ZMYM4: variants seen among roughly 807,000 people sequenced by gnomAD.
The protein encoded by ZMYM4 is zinc finger MYM-type protein 4.
Under a neutral mutation model 183.2 loss-of-function variants are expected in ZMYM4, and 31 were observed. The ratio of observed to expected loss-of-function variants is 0.17; its 90% CI spans 0.13 to 0.23. The LOEUF is 0.23. ZMYM4 is among the 10% of genes least tolerant of loss of function. The probability of loss-of-function intolerance (pLI) is 1.00; values close to 1 mark genes in which losing one functional copy is unlikely to be tolerated. For synonymous variants in ZMYM4, 592 were observed against 631.2 expected (o/e 0.94, Z 0.93); for missense variants, 1,273 against 1,840.3 (o/e 0.69, Z 5.64).
intron 7 of ZMYM4, among the ~76,000 whole-genome samples, chr1:35,373,253 T>TAC (rs1040510302): frequency 1.5e-4 from 23 of 150,168 alleles, no homozygotes; most frequent in African/African-American, 4.4e-4. Context: ...TATATATATA[T>TAC]ACACACACAC....
chr1:35,388,321 C>T (rs2148983550), intron 13 of ZMYM4, among the ~76,000 whole-genome samples: 1 of 152,314 alleles, frequency 6.6e-6, no homozygotes, highest in Non-Finnish European at 1.5e-5. Context: ...TCTCCTGCCT[C>T]AACCTCCCGA....
chr1:35,403,057 C>T (rs72659614), intron 23 of ZMYM4, among the ~76,000 whole-genome samples: 2 of 152,242 alleles, frequency 1.3e-5, no homozygotes, highest in Non-Finnish European at 2.9e-5. Flanking sequence ...TTTTAATTTG[C>T]TGAAAGTTTT....
chr1:35,286,742 A>G (rs1156306732), intron 1 of ZMYM4, among the ~76,000 whole-genome samples: 1 of 141,832 alleles, frequency 7.1e-6, no homozygotes, highest in African/African-American at 2.6e-5. Flanking sequence ...AGGACCACAG[A>G]CAATACCCTT....
intron 5 of ZMYM4, 40 bp from the exon 6 acceptor site, chr1:35,369,989 C>T: frequency 1.4e-6 from 2 of 1,457,698 alleles, no homozygotes; most frequent in East Asian, 2.4e-5. Context: ...GGTATTTATT[C>T]TTTTCTCTAT....
intron 18 of ZMYM4, among the ~76,000 whole-genome samples, chr1:35,394,937 G>T (rs774194592): frequency 7.9e-5 from 12 of 152,002 alleles, no homozygotes; most frequent in Admixed American, 1.3e-4. Context: ...AACATAGCGA[G>T]ACCATCTCTA....
intron 1 of ZMYM4, among the ~76,000 whole-genome samples, chr1:35,320,769 A>C (rs1455943079): frequency 6.6e-6 from 1 of 152,240 alleles, no homozygotes; most frequent in East Asian, 1.9e-4. Context: ...GTGATGAAAA[A>C]GTCCCACATA....
rs143527677 is a variant in ZMYM4, at chr1:35,309,338, C to T, written c.40-16022C>T. 3.1e-4 allele frequency among the ~76,000 whole-genome samples: 47 copies of T among 152,230 alleles called. No individual in the cohort carries two copies. The East Asian group carries it at 7.9e-3, about 26-fold the overall frequency. On this transcript the variant is annotated intron_variant, in intron 1 of 29. Transcript: ENST00000314607. Reference sequence around the variant, plus strand: ...AATTTTAAGAATAGCTTTATGATTGCATTATGTATTCAACAAACACATATT... The same window carrying T: ...AATTTTAAGAATAGCTTTATGATTGTATTATGTATTCAACAAACACATATT...
chr1:35,413,924 A>C, intron 26 of ZMYM4, 48 bp from the exon 27 acceptor site: 1 of 1,114,752 alleles, frequency 9.0e-7, no homozygotes, highest in Non-Finnish European at 1.3e-6. Flanking sequence ...TTAAGAACTC[A>C]TGTTTTCTTT....
chr1:35,344,541 A>G (rs936801772), intron 2 of ZMYM4, among the ~76,000 whole-genome samples: 1 of 151,996 alleles, frequency 6.6e-6, no homozygotes, highest in Non-Finnish European at 1.5e-5. Context: ...TTACTGAAAG[A>G]TATTTTCATG....
In ZMYM4 at chr1:35,343,435, A is replaced by G. The variant is rs912388245; in HGVS notation, c.86-15490A>G. ...TATTGAAGATTTTTTTTTTGGATTG[A>G]TTTACCTTGGCACTTTTGTGGGAAG... On this transcript the variant is annotated intron_variant, in intron 2 of 29. Coordinates refer to ENST00000314607, the MANE Select transcript of ZMYM4 (RefSeq NM_005095.3). Among the ~76,000 whole-genome samples the G allele has an allele frequency of 4.2e-4, 64 of 151,592 alleles. 1 individual carries two copies. The highest frequency in any genetic ancestry group is 3.1e-3 in the Admixed American group (47 of 15,240).
Position 35,408,052 on chromosome 1 carries a change from G to T in ZMYM4, c.3841G>T (p.Ala1281Ser). ...LKEDILSCTF[A>S]ELSLGLCQFI... ...GGAAGACATTCTGTCCTGCACTTTT[G>T]CTGAGTTGAGTTTGGGCTTATGCCA... The change falls in exon 26 of 30, where the codon GCT (alanine) becomes TCT (serine). Residue 1281 changes from alanine (A) to serine (S), a missense_variant. Physicochemically the swap from Ala to Ser is moderately conservative, Grantham distance 99. Coordinates refer to ENST00000314607, the MANE Select transcript of ZMYM4 (RefSeq NM_005095.3). 1.2e-6 allele frequency: 2 copies of T among 1,614,210 alleles called. No homozygotes were observed. Among genetic ancestry groups the T allele is most frequent in the Non-Finnish European group, 1.7e-6 (2 of 1,180,028 alleles).
Position 35,333,353 on chromosome 1 carries a change from G to A in ZMYM4, c.85+7948G>A, listed in dbSNP as rs1553168775. On this transcript the variant is annotated intron_variant, in intron 2 of 29. Coordinates refer to ENST00000314607, the MANE Select transcript of ZMYM4 (RefSeq NM_005095.3). ...GCTCACTGTAGCTTCCGCCTCCTGG[G>A]CTCAAGCAATTCCTGTTCCTCAGCC... Among the ~76,000 whole-genome samples, 4 of 151,018 alleles carry A rather than the reference G, an allele frequency of 2.6e-5. No individual in the cohort carries two copies. The South Asian group carries it at 8.4e-4, about 32-fold the overall frequency.
chr1:35,268,870 G>C lies in ZMYM4; in HGVS notation c.-177G>C, dbSNP rs544838270. The C allele has an allele frequency of 3.3e-6, 2 of 601,612 alleles. No individual in the cohort carries two copies. The highest frequency in any genetic ancestry group is 4.8e-6 in the Non-Finnish European group (2 of 412,500). The allele number at this position is 601,612 out of a possible 1,614,324, so 37.3% of individuals were successfully genotyped here. On this transcript the variant is annotated 5_prime_UTR_variant, in exon 1 of 30. Transcript: ENST00000314607. ...CCACGCGCGGACCCGTGGGATCTCA[G>C]AAGCTGCGGCCCGGCGCGCGGCATC...
At chr1:35,304,570 A>C (rs1570305366) in intron 1 of ZMYM4, among the ~76,000 whole-genome samples, 1 of 143,246 alleles carries the variant, frequency 7.0e-6, no homozygotes. Context: ...TCATCCTCCC[A>C]CCTCAGCCTC....
At chr1:35,418,122 G>A (rs1300952851) in intron 28 of ZMYM4, among the ~76,000 whole-genome samples, 2 of 152,198 alleles carry the variant, frequency 1.3e-5, no homozygotes, top group African/African-American at 2.4e-5. Flanking sequence ...TGTGCCTAAT[G>A]AAGTTTATTA....
intron 26 of ZMYM4, among the ~76,000 whole-genome samples, chr1:35,409,199 G>T (rs985467990): frequency 1.3e-5 from 2 of 152,184 alleles, no homozygotes; most frequent in African/African-American, 4.8e-5. Flanking sequence ...GACATTTGAG[G>T]TTCTGCCTTT....
rs201360397 is a variant in ZMYM4, at chr1:35,283,326, C to CTTTTTTTTTT, written c.39+14261_39+14270dup. On this transcript the variant is annotated intron_variant, in intron 1 of 29. Transcript: ENST00000314607. ...TGTCCTAGTGGGTGTGAAGTGGTAT[C>CTTTTTTTTTT]TTTTTTTTTTTTTTTTTTTTTTTTT... Among the ~76,000 whole-genome samples the CTTTTTTTTTT allele has an allele frequency of 3.0e-4, 17 of 56,766 alleles. 4 individuals carry two copies. Among genetic ancestry groups the CTTTTTTTTTT allele is most frequent in the African/African-American group, 1.6e-3 (17 of 10,504 alleles). The allele number at this position is 56,766 out of a possible 152,430, so 37.2% of individuals were successfully genotyped here.
intron 19 of ZMYM4, chr1:35,397,163 G>A (rs1644823596): frequency 2.7e-6 from 3 of 1,114,080 alleles, no homozygotes; most frequent in Middle Eastern, 3.6e-4. Flanking sequence ...AGGATTCAGA[G>A]ACATAATTGG....
intron 26 of ZMYM4, among the ~76,000 whole-genome samples, chr1:35,410,019 T>C (rs1293023392): frequency 6.6e-6 from 1 of 151,944 alleles, no homozygotes; most frequent in Non-Finnish European, 1.5e-5. Flanking sequence ...AGCATCTGCT[T>C]CTGGTGAGCG....
Sources: gnomAD v4.1 joint callset for allele counts (sites outside exome capture counted in the v4.1 genomes callset) on GRCh38, gnomAD v4.1.1 for gene constraint, MANE v1.5 for transcripts, NCBI Gene and HGNC (gene_info 2026-07-23, HGNC 2026-07-21) for gene names.